The following PTPRT variants were observed in gnomAD, a reference collection of about 807,000 sequenced individuals.
The protein encoded by PTPRT is receptor-type tyrosine-protein phosphatase T.
In PTPRT, 56 loss-of-function variants were observed where a neutral mutation model predicts 176.8. The observed-to-expected ratio is 0.32, with a 90% CI of 0.26 to 0.40. The LOEUF (loss-of-function observed/expected upper bound fraction) is 0.40, where lower values mean the gene tolerates loss of function less well. Among genes scored for constraint, PTPRT ranks in the 10% least tolerant of loss-of-function variants. The probability of loss-of-function intolerance (pLI) is 1.00; values close to 1 mark genes in which losing one functional copy is unlikely to be tolerated. For missense variants in PTPRT, 1,540 were observed against 1,908.2 expected (o/e 0.81, Z 3.60); for synonymous variants, 783 against 739.0 (o/e 1.06, Z -0.96).
rs574411560 is a variant in PTPRT, at chr20:42,639,066, ATGTCTCCAATAGAAGGACAAGT to A, written c.1153+38778_1153+38799del. ...TCCCATTTGTTTCTTTAAGTTATTAATGTCTCCAATAGAAGGACAAGTTGACCTTTAAATCTGAACCAGCTCA... is the reference window on the plus strand; with the variant it reads ...TCCCATTTGTTTCTTTAAGTTATTAATGACCTTTAAATCTGAACCAGCTCA... On this transcript the variant is annotated intron_variant, in intron 7 of 30. Coordinates refer to ENST00000373187, the MANE Select transcript of PTPRT (RefSeq NM_007050.6). 2.0e-3 allele frequency among the ~76,000 whole-genome samples: 299 copies of A among 152,258 alleles called. 5 individuals are homozygous for A. Among genetic ancestry groups the A allele is most frequent in the East Asian group, 0.013 (66 of 5,170 alleles).
At chr20:42,885,986 G>A (rs1163870019) in intron 1 of PTPRT, 54 bp from the exon 2 acceptor site, 17 of 1,477,490 alleles carry the variant, frequency 1.2e-5, no homozygotes, top group East Asian at 7.7e-5. Flanking sequence ...GGCTTGGTTC[G>A]TTACCTCTGT....
intron 16 of PTPRT, among the ~76,000 whole-genome samples, chr20:42,179,576 G>C (rs1305896746): frequency 1.3e-5 from 2 of 152,130 alleles, no homozygotes; most frequent in Non-Finnish European, 2.9e-5. Flanking sequence ...AAAATATAAT[G>C]TGATGAATTT....
At chr20:42,634,047 AT>A (rs1370420976) in intron 7 of PTPRT, among the ~76,000 whole-genome samples, 4 of 31,834 alleles carry the variant, frequency 1.3e-4, no homozygotes, top group African/African-American at 7.0e-4. Context: ...TATATTATAT[AT>A]ATATTATAAA....
intron 9 of PTPRT, among the ~76,000 whole-genome samples, chr20:42,369,604 A>C (rs6124449): frequency 0.14 from 21,292 of 152,196 alleles, 1,675 homozygotes; most frequent in African/African-American, 0.21. Context: ...AGTGGGGGCC[A>C]GAGTTAGTCC....
intron 1 of PTPRT, among the ~76,000 whole-genome samples, chr20:43,068,300 C>A (rs575278334): frequency 3.1e-4 from 47 of 149,920 alleles, no homozygotes; most frequent in Admixed American, 7.3e-4. Flanking sequence ...GTCAGGAGAT[C>A]GAGACTATCC....
At chr20:42,037,345 A>C in the PTPRT span, among the ~76,000 whole-genome samples, 1 of 152,178 alleles carries the variant, frequency 6.6e-6, no homozygotes, top group Non-Finnish European at 1.5e-5. Flanking sequence ...GCCCTTCCCC[A>C]CCTGGTCTGC....
chr20:43,086,854 C>T (rs1386861768), intron 1 of PTPRT, among the ~76,000 whole-genome samples: 3 of 152,092 alleles, frequency 2.0e-5, no homozygotes, highest in Non-Finnish European at 2.9e-5. Context: ...GCCAGCAGAA[C>T]TGGGTATAAG....
intron 1 of PTPRT, among the ~76,000 whole-genome samples, chr20:42,891,509 T>G (rs1475153756): frequency 1.3e-5 from 2 of 152,212 alleles, no homozygotes; most frequent in Non-Finnish European, 2.9e-5. Context: ...TGGTAGTGTA[T>G]AGCATATCAG....
chr20:42,986,392 C>A (rs564085905), intron 1 of PTPRT, among the ~76,000 whole-genome samples: 1 of 152,158 alleles, frequency 6.6e-6, no homozygotes, highest in Non-Finnish European at 1.5e-5. Flanking sequence ...GGACGACCAG[C>A]GTTTGATGAA....
the PTPRT span, among the ~76,000 whole-genome samples, chr20:42,066,482 A>G: frequency 1.3e-5 from 2 of 151,996 alleles, no homozygotes; most frequent in Non-Finnish European, 1.5e-5. Flanking sequence ...CAAATTTGGT[A>G]TCTGTGCAAT....
intron 12 of PTPRT, among the ~76,000 whole-genome samples, chr20:42,294,959 A>G (rs1194648434): frequency 6.6e-6 from 1 of 152,192 alleles, no homozygotes; most frequent in Non-Finnish European, 1.5e-5. Flanking sequence ...AAAATTAACA[A>G]GGATTGGTGA....
chr20:43,087,304 A>C (rs941424315), intron 1 of PTPRT, among the ~76,000 whole-genome samples: 1 of 151,372 alleles, frequency 6.6e-6, no homozygotes, highest in Non-Finnish European at 1.5e-5. Flanking sequence ...CGAGACTTCA[A>C]AATGGTGCTG....
intron 16 of PTPRT, among the ~76,000 whole-genome samples, chr20:42,170,543 C>T (rs1990034306): frequency 6.6e-6 from 1 of 151,978 alleles, no homozygotes; most frequent in South Asian, 2.1e-4. Flanking sequence ...AAATGCAATA[C>T]CAGAATTAAA....
intron 7 of PTPRT, among the ~76,000 whole-genome samples, chr20:42,524,508 A>C (rs574900943): frequency 2.0e-5 from 3 of 152,138 alleles, no homozygotes; most frequent in Non-Finnish European, 4.4e-5. Context: ...GCTTTGAGTT[A>C]GTCATTCCAT....
intron 7 of PTPRT, among the ~76,000 whole-genome samples, chr20:42,485,441 T>C (rs906555032): frequency 3.3e-5 from 5 of 152,216 alleles, no homozygotes; most frequent in Admixed American, 6.5e-5. Flanking sequence ...CTGTGAACAA[T>C]AGGGCACTGG....
intron 8 of PTPRT, among the ~76,000 whole-genome samples, chr20:42,470,898 G>A (rs1601085435): frequency 6.6e-6 from 1 of 151,278 alleles, no homozygotes; most frequent in African/African-American, 2.4e-5. Context: ...ACTGCAGGAA[G>A]CATACCCATT....
chr20:42,388,580 C>T (rs534892386), intron 9 of PTPRT, among the ~76,000 whole-genome samples: 68 of 152,274 alleles, frequency 4.5e-4, no homozygotes, highest in African/African-American at 1.5e-3. Context: ...AATGAGATAC[C>T]ATCTCACACC....
At chr20:42,208,606 T>C (rs925443908) in intron 15 of PTPRT, among the ~76,000 whole-genome samples, 4 of 151,888 alleles carry the variant, frequency 2.6e-5, no homozygotes, top group Admixed American at 2.0e-4. Context: ...ATCCTAAATA[T>C]ATATGCACCC....
intron 1 of PTPRT, among the ~76,000 whole-genome samples, chr20:43,035,178 C>T (rs1986324766): frequency 6.6e-6 from 1 of 152,086 alleles, no homozygotes; most frequent in South Asian, 2.1e-4. Flanking sequence ...GCAGTCCAGA[C>T]CAAAGGAGGC....
Sources: gnomAD v4.1 joint callset for allele counts (sites outside exome capture counted in the v4.1 genomes callset) on GRCh38, gnomAD v4.1.1 for gene constraint, MANE v1.5 for transcripts, NCBI Gene and HGNC (gene_info 2026-07-23, HGNC 2026-07-21) for gene names.